The following SEPTIN7 variants were observed in gnomAD, a reference collection of about 807,000 sequenced individuals.
SEPTIN7 encodes septin 7.
In SEPTIN7, 10 loss-of-function variants were observed where a neutral mutation model predicts 63.3. That is an observed-to-expected ratio of 0.16 (90% confidence interval 0.10 to 0.27). SEPTIN7 has a LOEUF of 0.27. SEPTIN7 is among the 10% of genes least tolerant of loss of function. The pLI, the probability that SEPTIN7 is intolerant of heterozygous loss-of-function variation, is 1.00. For missense variants in SEPTIN7, 310 were observed against 521.0 expected, an observed-to-expected ratio of 0.59 and a Z score of 3.94; for synonymous variants, 131 against 165.3, an observed-to-expected ratio of 0.79 and a Z score of 1.59.
chr7:35,888,689 G>A (rs1057169915), intron 10 of SEPTIN7: 5 of 187,076 alleles, frequency 2.7e-5, no homozygotes, highest in Non-Finnish European at 4.6e-5. Context: ...GCGTGGTGGT[G>A]CATGCCTGTA....
intron 7 of SEPTIN7, among the ~76,000 whole-genome samples, chr7:35,880,853 C>T (rs146990402): frequency 9.9e-4 from 150 of 152,154 alleles, no homozygotes; most frequent in African/African-American, 3.3e-3. Context: ...TTGAGTTACA[C>T]AGTCACACAT....
chr7:35,836,151 G>A (rs533365422), intron 3 of SEPTIN7, among the ~76,000 whole-genome samples: 26 of 152,102 alleles, frequency 1.7e-4, no homozygotes, highest in Non-Finnish European at 2.9e-4. Context: ...AAAAATTTAG[G>A]CATATCAAAT....
At chr7:35,810,566 G>A (rs1185782159) in intron 1 of SEPTIN7, among the ~76,000 whole-genome samples, 3 of 151,922 alleles carry the variant, frequency 2.0e-5, no homozygotes, top group South Asian at 4.1e-4. Flanking sequence ...CTCATGATCC[G>A]CCCGCCTTGG....
chr7:35,875,794 C>CA (rs1271929139), intron 6 of SEPTIN7, among the ~76,000 whole-genome samples: 4 of 151,804 alleles, frequency 2.6e-5, no homozygotes, highest in Admixed American at 6.6e-5. Flanking sequence ...TACATACATA[C>CA]AAAAAAAATT....
At chr7:35,863,701 T>C (rs1402655658) in intron 4 of SEPTIN7, 43 bp downstream of exon 4, 1 of 1,017,270 alleles carries the variant, frequency 9.8e-7, no homozygotes, top group Non-Finnish European at 1.4e-6. Context: ...GGAATAATAT[T>C]AATACACACA....
chr7:35,846,312 T>C lies in SEPTIN7; in HGVS notation c.169+13412T>C, dbSNP rs1269507795. Among the ~76,000 whole-genome samples the C allele has an allele frequency of 2.6e-5, 4 of 152,228 alleles. No individual in the cohort carries two copies. The East Asian group carries it at 7.7e-4, about 29-fold the overall frequency. The stretch of plus-strand genomic sequence containing the variant: ...TTGTTGGACCTGGAAGGTCTCCCTC[T>C]GCCACCACACACACACTTTTTTTAT... On this transcript the variant is annotated intron_variant, in intron 3 of 13. Coordinates refer to ENST00000350320, the MANE Select transcript of SEPTIN7 (RefSeq NM_001788.6).
At chr7:35,907,797 A>G (rs1484911468), downstream of SEPTIN7, among the ~76,000 whole-genome samples, 1 of 152,102 alleles carries the variant, frequency 6.6e-6, no homozygotes, top group Non-Finnish European at 1.5e-5. Flanking sequence ...TTAGACCCCA[A>G]CTCTGTGAAT....
chr7:35,902,840 CTTT>C (rs34683813), intron 12 of SEPTIN7: 631 of 328,772 alleles, frequency 1.9e-3, no homozygotes, highest in Middle Eastern at 6.1e-3. Flanking sequence ...AAGTTTGTTG[CTTT>C]TTTTTTTTTT....
intron 2 of SEPTIN7, chr7:35,832,125 AT>A (rs1433254442): frequency 4.4e-6 from 2 of 454,352 alleles, no homozygotes; most frequent in Admixed American, 4.7e-5. Flanking sequence ...TCATCTAGGA[AT>A]AAAAAACCAA....
At chr7:35,912,974 GC>G in the SEPTIN7 span, among the ~76,000 whole-genome samples, 1 of 152,142 alleles carries the variant, frequency 6.6e-6, no homozygotes, top group South Asian at 2.1e-4. Context: ...AACTGCTTGT[GC>G]TTTTTTGATA....
Position 35,801,070 on chromosome 7 carries a change from C to G in SEPTIN7, c.-140C>G. ...GGAGGGAGCGGGAGTCGAGCGAGAGCCTGTGGAGGAGTCCGCCTGCTGTAG... is the reference window on the plus strand; with the variant it reads ...GGAGGGAGCGGGAGTCGAGCGAGAGGCTGTGGAGGAGTCCGCCTGCTGTAG... On this transcript the variant is annotated 5_prime_UTR_variant, in exon 1 of 14. Transcript: ENST00000350320. The G allele has an allele frequency of 1.8e-6, 1 of 554,404 alleles. No individual in the cohort carries two copies. Among genetic ancestry groups the G allele is most frequent in the East Asian group, 3.5e-5 (1 of 28,410 alleles). The allele number at this position is 554,404 out of a possible 1,614,324, so 34.3% of individuals were successfully genotyped here.
chr7:35,802,178 C>A, intron 1 of SEPTIN7: 1 of 240,898 alleles, frequency 4.2e-6, no homozygotes, highest in Non-Finnish European at 9.0e-6. Context: ...TCTTAACGAG[C>A]CCTTTCATTT....
At chr7:35,828,478 C>T (rs560508135) in intron 1 of SEPTIN7, among the ~76,000 whole-genome samples, 3 of 152,152 alleles carry the variant, frequency 2.0e-5, no homozygotes, top group South Asian at 4.2e-4. Flanking sequence ...CAGGTTCAAG[C>T]GATTCTTGTG....
Position 35,830,131 on chromosome 7 carries a change from C to T in SEPTIN7, c.62-1361C>T, listed in dbSNP as rs556594243. Reference sequence around the variant, plus strand: ...ACCTCGGAAAGAGGTTGCAGTGAGCCGAGATCGCGCCACTGCCCCCCAGCC... The same window carrying T: ...ACCTCGGAAAGAGGTTGCAGTGAGCTGAGATCGCGCCACTGCCCCCCAGCC... On this transcript the variant is annotated intron_variant, in intron 1 of 13. Coordinates refer to ENST00000350320, the MANE Select transcript of SEPTIN7 (RefSeq NM_001788.6). Among the ~76,000 whole-genome samples the T allele has an allele frequency of 1.9e-4, 28 of 151,118 alleles. No homozygotes were observed. In the South Asian group the frequency reaches 4.0e-3, roughly 21 times the overall value.
chr7:35,868,359 C>G (rs1785942881), intron 4 of SEPTIN7, among the ~76,000 whole-genome samples: 1 of 152,130 alleles, frequency 6.6e-6, no homozygotes, highest in Non-Finnish European at 1.5e-5. Context: ...GTTTTTGAGC[C>G]ATTCACATAA....
intron 1 of SEPTIN7, among the ~76,000 whole-genome samples, chr7:35,817,937 T>C (rs1188923879): frequency 1.3e-5 from 2 of 151,984 alleles, no homozygotes; most frequent in African/African-American, 4.8e-5. Context: ...TAAGATCATA[T>C]CGCCTGCAAA....
chr7:35,869,296 G>A (rs1355911674), intron 4 of SEPTIN7, among the ~76,000 whole-genome samples: 2 of 151,960 alleles, frequency 1.3e-5, no homozygotes, highest in East Asian at 3.9e-4. Context: ...ATGAGAAGGA[G>A]GTATTCTTTA....
chr7:35,832,003 T>C, intron 2 of SEPTIN7: 1 of 411,298 alleles, frequency 2.4e-6, no homozygotes, highest in South Asian at 1.7e-5. Context: ...ATTCAAATAG[T>C]CTTAACTACG....
intron 6 of SEPTIN7, among the ~76,000 whole-genome samples, chr7:35,876,258 A>G (rs1196819770): frequency 6.6e-6 from 1 of 151,874 alleles, no homozygotes; most frequent in Admixed American, 6.5e-5. Flanking sequence ...GCATTTAAAT[A>G]TAAAATCTTG....
Sources: allele counts gnomAD v4.1 joint callset (sites outside exome capture counted in the v4.1 genomes callset), GRCh38; gene constraint gnomAD v4.1.1; transcripts MANE v1.5; gene names NCBI Gene and HGNC (gene_info 2026-07-23, HGNC 2026-07-21).